Variants in ZNF804B observed in about 807,000 individuals in gnomAD.
ZNF804B encodes zinc finger protein 804B.
Under a neutral mutation model 101.4 loss-of-function variants are expected in ZNF804B, and 80 were observed. The ratio of observed to expected loss-of-function variants is 0.79; its 90% CI spans 0.66 to 0.95. ZNF804B has a LOEUF of 0.95. ZNF804B is among the 40% of genes least tolerant of loss of function. ZNF804B has a pLI of 0.00. For synonymous variants in ZNF804B, 622 were observed against 558.8 expected (o/e 1.11, Z -1.59); for missense variants, 1,673 against 1,561.9 (o/e 1.07, Z -1.20).
chr7:89,247,980 G>T (rs956833510), intron 2 of ZNF804B, among the ~76,000 whole-genome samples: 21 of 152,158 alleles, frequency 1.4e-4, no homozygotes, highest in Non-Finnish European at 2.6e-4. Context: ...TCAATAGACT[G>T]AACCAAGCCA....
chr7:89,209,056 C>T (rs545338623), intron 1 of ZNF804B, among the ~76,000 whole-genome samples: 2 of 151,950 alleles, frequency 1.3e-5, no homozygotes, highest in East Asian at 3.9e-4. Flanking sequence ...TGTTCAATTG[C>T]AGTCAGTTAA....
chr7:89,188,655 C>T (rs1055487717), intron 1 of ZNF804B, among the ~76,000 whole-genome samples: 39 of 152,080 alleles, frequency 2.6e-4, no homozygotes, highest in African/African-American at 8.7e-4. Flanking sequence ...AGTGAACACA[C>T]GAATGATGAA....
intron 1 of ZNF804B, among the ~76,000 whole-genome samples, chr7:88,785,966 T>C (rs1474357495): frequency 6.6e-6 from 1 of 152,102 alleles, no homozygotes; most frequent in East Asian, 1.9e-4. Flanking sequence ...ACACTTATTA[T>C]AATTGTTTAA....
At chr7:89,114,731 G>A (rs1308503018) in intron 1 of ZNF804B, among the ~76,000 whole-genome samples, 1 of 152,142 alleles carries the variant, frequency 6.6e-6, no homozygotes, top group Non-Finnish European at 1.5e-5. Context: ...TCATTCTTAA[G>A]GCTGAGGGAA....
intron 1 of ZNF804B, among the ~76,000 whole-genome samples, chr7:89,075,841 C>T (rs926787298): frequency 6.6e-6 from 1 of 152,206 alleles, no homozygotes; most frequent in Non-Finnish European, 1.5e-5. Context: ...TGCCCGAGAC[C>T]ATGGGAACCC....
intron 1 of ZNF804B, among the ~76,000 whole-genome samples, chr7:88,945,621 G>T (rs1793117425): frequency 7.4e-6 from 1 of 135,412 alleles, no homozygotes; most frequent in Non-Finnish European, 1.7e-5. Flanking sequence ...TTCTAATTCT[G>T]TGAAGAAAGT....
At chr7:88,963,957 A>G (rs770999216) in intron 1 of ZNF804B, among the ~76,000 whole-genome samples, 40 of 151,446 alleles carry the variant, frequency 2.6e-4, no homozygotes, top group Non-Finnish European at 4.6e-4. Context: ...AATGCAAATT[A>G]AAACCACCTT....
At chr7:89,168,682 CTTTTTTTTT>C (rs372503661) in intron 1 of ZNF804B, among the ~76,000 whole-genome samples, 37 of 115,736 alleles carry the variant, frequency 3.2e-4, no homozygotes, top group African/African-American at 6.2e-4. Context: ...GAGCTGAATA[CTTTTTTTTT>C]TTTTTTTTTT....
chr7:89,220,989 C>T (rs551042150), intron 2 of ZNF804B, among the ~76,000 whole-genome samples: 3 of 151,770 alleles, frequency 2.0e-5, no homozygotes, highest in African/African-American at 7.2e-5. Flanking sequence ...ATATTTTTTT[C>T]ATGGCAAGAA....
In ZNF804B at chr7:89,324,652, A is replaced by G. The variant is rs112451117; in HGVS notation, c.250-2692A>G. 7.5e-3 allele frequency among the ~76,000 whole-genome samples: 914 copies of G among 122,524 alleles called. 7 individuals carry two copies. Among genetic ancestry groups the G allele is most frequent in the African/African-American group, 0.027 (874 of 32,152 alleles). 80.4% of individuals were successfully genotyped at this position (122,524 alleles called of 152,430 possible). ...CATTTTCTTGCACTGAGTACATTTAATGATTTTCTTTTATCTCCTTTGTTG... is the reference window on the plus strand; with the variant it reads ...CATTTTCTTGCACTGAGTACATTTAGTGATTTTCTTTTATCTCCTTTGTTG... On this transcript the variant is annotated intron_variant, in intron 2 of 3. Transcript: ENST00000333190.
intron 1 of ZNF804B, among the ~76,000 whole-genome samples, chr7:88,896,266 CA>C (rs1165579577): frequency 1.3e-5 from 2 of 152,072 alleles, no homozygotes; most frequent in African/African-American, 4.8e-5. Flanking sequence ...TTAGCTGTTT[CA>C]AATATATCAT....
intron 1 of ZNF804B, among the ~76,000 whole-genome samples, chr7:88,790,755 C>T (rs371565634): frequency 4.6e-5 from 7 of 152,106 alleles, no homozygotes; most frequent in South Asian, 2.1e-4. Context: ...AATGAACATA[C>T]GCGTGCATGT....
At chr7:88,974,228 A>C (rs1334830950) in intron 1 of ZNF804B, among the ~76,000 whole-genome samples, 1 of 151,140 alleles carries the variant, frequency 6.6e-6, no homozygotes, top group Non-Finnish European at 1.5e-5. Context: ...AATAGTAAAC[A>C]CAAATATGTA....
chr7:88,815,543 G>C (rs539016852), intron 1 of ZNF804B, among the ~76,000 whole-genome samples: 72 of 151,866 alleles, frequency 4.7e-4, no homozygotes, highest in African/African-American at 1.6e-3. Context: ...CATTGTTGCT[G>C]TTCCTTCCCC....
At chr7:89,000,521 T>G (rs1327681420) in intron 1 of ZNF804B, among the ~76,000 whole-genome samples, 1 of 152,004 alleles carries the variant, frequency 6.6e-6, no homozygotes, top group Non-Finnish European at 1.5e-5. Flanking sequence ...TATACATATA[T>G]TTCGTGAATT....
intron 1 of ZNF804B, among the ~76,000 whole-genome samples, chr7:89,093,086 A>G (rs535848844): frequency 2.4e-3 from 365 of 152,300 alleles, no homozygotes; most frequent in Middle Eastern, 6.8e-3. Context: ...TTGCTAATCC[A>G]TTACTGCATG....
At chr7:88,936,637 G>A (rs1792975849) in intron 1 of ZNF804B, among the ~76,000 whole-genome samples, 1 of 152,092 alleles carries the variant, frequency 6.6e-6, no homozygotes, top group Non-Finnish European at 1.5e-5. Flanking sequence ...GTGACAAAGT[G>A]TGTCTAGGTG....
At chr7:89,280,675 G>A (rs942947129) in intron 2 of ZNF804B, among the ~76,000 whole-genome samples, 5 of 152,082 alleles carry the variant, frequency 3.3e-5, no homozygotes, top group African/African-American at 1.2e-4. Flanking sequence ...TAAATTCCTC[G>A]ACACATACAC....
At chr7:88,994,533 C>T (rs371243560) in intron 1 of ZNF804B, among the ~76,000 whole-genome samples, 3 of 151,944 alleles carry the variant, frequency 2.0e-5, no homozygotes, top group African/African-American at 7.2e-5. Context: ...TTCACTGTAG[C>T]CTTTGGCTAC....
Sources: gnomAD v4.1 joint callset for allele counts (sites outside exome capture counted in the v4.1 genomes callset) on GRCh38, gnomAD v4.1.1 for gene constraint, MANE v1.5 for transcripts, NCBI Gene and HGNC (gene_info 2026-07-23, HGNC 2026-07-21) for gene names.